CCDC102B: variants seen among roughly 807,000 people sequenced by gnomAD.
CCDC102B encodes the protein coiled-coil domain-containing protein 102B.
In CCDC102B, 75 loss-of-function variants were observed where a neutral mutation model predicts 57.4. That is an observed-to-expected ratio of 1.31 (90% CI 1.08 to 1.58). CCDC102B has a LOEUF of 1.58. Among genes scored for constraint, CCDC102B ranks in the 40% most tolerant of loss-of-function variants. The probability of loss-of-function intolerance (pLI) is 0.00; values close to 1 mark genes in which losing one functional copy is unlikely to be tolerated. For synonymous variants in CCDC102B, 206 were observed against 201.9 expected (o/e 1.02, Z -0.17); for missense variants, 636 against 582.6 (o/e 1.09, Z -0.94).
At chr18:68,822,028 A>T (rs1161231832) in intron 1 of CCDC102B, among the ~76,000 whole-genome samples, 1 of 152,176 alleles carries the variant, frequency 6.6e-6, no homozygotes, top group Non-Finnish European at 1.5e-5. Flanking sequence ...TTGTAAAATT[A>T]TAAATTGGAA....
At chr18:68,825,355 T>A (rs2036866415) in intron 1 of CCDC102B, among the ~76,000 whole-genome samples, 1 of 152,190 alleles carries the variant, frequency 6.6e-6, no homozygotes, top group African/African-American at 2.4e-5. Context: ...CGTTGGCAGT[T>A]CCATTTTTCC....
intron 6 of CCDC102B, among the ~76,000 whole-genome samples, chr18:68,994,825 A>T (rs949128061): frequency 6.6e-6 from 1 of 152,208 alleles, no homozygotes; most frequent in East Asian, 1.9e-4. Context: ...AAACAGACTG[A>T]TAGAGTAAAT....
intron 2 of CCDC102B, among the ~76,000 whole-genome samples, chr18:68,790,454 T>A (rs1294073261): frequency 2.6e-5 from 4 of 151,928 alleles, no homozygotes; most frequent in South Asian, 4.1e-4. Context: ...CAGTTTGATC[T>A]CAGACTGCTG....
At chr18:68,777,895 AT>A (rs2034878382) in intron 2 of CCDC102B, among the ~76,000 whole-genome samples, 2 of 152,100 alleles carry the variant, frequency 1.3e-5, no homozygotes, top group Non-Finnish European at 2.9e-5. Context: ...CAAATGGGAA[AT>A]TTTCTTCGAT....
At chr18:68,761,678 A>G (rs953995536) in intron 2 of CCDC102B, among the ~76,000 whole-genome samples, 3 of 152,062 alleles carry the variant, frequency 2.0e-5, no homozygotes, top group Admixed American at 1.3e-4. Context: ...TAACTACACT[A>G]GATTCCTTTA....
rs117169515 is a variant in CCDC102B at position 68,939,290 on chromosome 18, T to A, written c.1263+41862T>A. Among the ~76,000 whole-genome samples the A allele has an allele frequency of 1.8e-3, 266 of 151,888 alleles. 1 individual carries two copies. In the East Asian group the frequency reaches 0.018, roughly 10 times the overall value. ...ATTCTGATATCAGGGGCTTTATTTCTGTTCATTAGACTGTTTTTAAATGGG... is the reference window on the plus strand; with the variant it reads ...ATTCTGATATCAGGGGCTTTATTTCAGTTCATTAGACTGTTTTTAAATGGG... On this transcript the variant is annotated intron_variant, in intron 6 of 7. Coordinates refer to ENST00000360242, the MANE Select transcript of CCDC102B (RefSeq NM_024781.3).
At chr18:68,797,897 G>A (rs73456174), upstream of CCDC102B, among the ~76,000 whole-genome samples, 4,295 of 152,060 alleles carry the variant, frequency 0.028, 201 homozygotes, top group African/African-American at 0.097. Context: ...GTTTCAAATG[G>A]TTGTATGGAA....
chr18:69,026,478 C>CAAAAA (rs1175490910), intron 7 of CCDC102B, among the ~76,000 whole-genome samples: 57 of 142,920 alleles, frequency 4.0e-4, no homozygotes, highest in African/African-American at 1.6e-3. Context: ...AAAAAAAAAC[C>CAAAAA]CCAGAGAAAT....
chr18:68,864,102 G>T (rs1241445944), intron 4 of CCDC102B, among the ~76,000 whole-genome samples: 3 of 151,930 alleles, frequency 2.0e-5, no homozygotes, highest in Non-Finnish European at 4.4e-5. Flanking sequence ...TTGTAAATAT[G>T]TTGAATTATT....
intron 4 of CCDC102B, among the ~76,000 whole-genome samples, chr18:68,849,141 A>T (rs1599561675): frequency 6.6e-6 from 1 of 152,058 alleles, no homozygotes; most frequent in Middle Eastern, 3.4e-3. Flanking sequence ...AAACACCTCA[A>T]AATACCTTTC....
At chr18:68,991,037 T>G (rs1420454164) in intron 6 of CCDC102B, among the ~76,000 whole-genome samples, 1 of 152,096 alleles carries the variant, frequency 6.6e-6, no homozygotes, top group Non-Finnish European at 1.5e-5. Context: ...AGTTACTTCC[T>G]ATTAATTTTT....
At chr18:68,900,782 T>C (rs1178282420) in intron 6 of CCDC102B, among the ~76,000 whole-genome samples, 2 of 152,150 alleles carry the variant, frequency 1.3e-5, no homozygotes, top group African/African-American at 4.8e-5. Flanking sequence ...ACATATCAAC[T>C]ATTCTATTTA....
At chr18:68,949,144 C>T (rs1235450633) in intron 6 of CCDC102B, among the ~76,000 whole-genome samples, 1 of 152,060 alleles carries the variant, frequency 6.6e-6, no homozygotes, top group African/African-American at 2.4e-5. Flanking sequence ...ATGGTGCTCA[C>T]CCAGATTGAG....
intron 1 of CCDC102B, among the ~76,000 whole-genome samples, chr18:68,802,221 C>G (rs906523517): frequency 6.6e-6 from 1 of 152,092 alleles, no homozygotes; most frequent in Admixed American, 6.5e-5. Context: ...GTTTGGAAAT[C>G]ACTTTACAGG....
At chr18:68,958,668 A>G (rs905446575) in intron 6 of CCDC102B, among the ~76,000 whole-genome samples, 4 of 152,010 alleles carry the variant, frequency 2.6e-5, no homozygotes, top group African/African-American at 7.2e-5. Context: ...TTGATCTTAT[A>G]TGCATGCTTT....
chr18:69,023,716 T>C (rs2051910363), intron 7 of CCDC102B, among the ~76,000 whole-genome samples: 1 of 152,004 alleles, frequency 6.6e-6, no homozygotes, highest in Non-Finnish European at 1.5e-5. Flanking sequence ...ATGCCACTGT[T>C]GCAATATATA....
At chr18:68,958,232 T>C (rs1229521587) in intron 6 of CCDC102B, among the ~76,000 whole-genome samples, 3 of 152,186 alleles carry the variant, frequency 2.0e-5, no homozygotes, top group South Asian at 2.1e-4. Flanking sequence ...CAAGATGAGA[T>C]TTGGGTAGGG....
chr18:69,053,526 C>T (rs559145378), intron 7 of CCDC102B, among the ~76,000 whole-genome samples: 1 of 151,822 alleles, frequency 6.6e-6, no homozygotes, highest in East Asian at 1.9e-4. Context: ...AGGTTTATTA[C>T]TGAATATGTA....
At chr18:68,778,989 T>C (rs2034916705) in intron 2 of CCDC102B, among the ~76,000 whole-genome samples, 1 of 152,032 alleles carries the variant, frequency 6.6e-6, no homozygotes, top group Non-Finnish European at 1.5e-5. Context: ...TATTCTAAAT[T>C]TGGATAGAGG....
Sources: allele counts gnomAD v4.1 joint callset (sites outside exome capture counted in the v4.1 genomes callset), GRCh38; gene constraint gnomAD v4.1.1; transcripts MANE v1.5; gene names NCBI Gene and HGNC (gene_info 2026-07-23, HGNC 2026-07-21).